The following STAG1 variants were observed in gnomAD, a reference collection of about 807,000 sequenced individuals.
STAG1 encodes STAG1 cohesin complex component.
In STAG1, 26 loss-of-function variants were observed where a neutral mutation model predicts 170.9. That is an observed-to-expected ratio of 0.15 (90% CI 0.11 to 0.21). STAG1 has a LOEUF of 0.21. Among genes scored for constraint, STAG1 ranks in the 10% least tolerant of loss-of-function variants. STAG1 has a pLI of 1.00. For missense variants in STAG1, 964 were observed against 1,509.5 expected (o/e 0.64, Z 5.99); for synonymous variants, 514 against 497.7 (o/e 1.03, Z -0.44).
At chr3:136,559,968 G>A (rs1310363688) in intron 5 of STAG1, among the ~76,000 whole-genome samples, 1 of 152,110 alleles carries the variant, frequency 6.6e-6, no homozygotes, top group Non-Finnish European at 1.5e-5. Context: ...AAGTTGTGAG[G>A]ACCTAAATAA....
intron 16 of STAG1, among the ~76,000 whole-genome samples, chr3:136,432,410 G>A (rs908931590): frequency 2.0e-5 from 3 of 151,446 alleles, no homozygotes; most frequent in African/African-American, 7.3e-5. Flanking sequence ...TCCTGAGTAT[G>A]GTCACATTTT....
rs376961388 is a variant in STAG1, at chr3:136,443,125, C to T, written c.1546+162G>A. ...TGTTTATATGGAAACATGTTAGAAA[C>T]GATTGACACATCCTTACTTGTTACA... On this transcript the variant is annotated intron_variant, in intron 15 of 33. Transcript: ENST00000383202. Among the ~76,000 whole-genome samples the T allele has an allele frequency of 1.6e-4, 25 of 152,250 alleles. No individual in the cohort carries two copies. The East Asian group carries it at 2.1e-3, about 13-fold the overall frequency.
At chr3:136,351,609 C>T (rs944234836) in intron 28 of STAG1, among the ~76,000 whole-genome samples, 48 of 152,210 alleles carry the variant, frequency 3.2e-4, no homozygotes, top group African/African-American at 1.0e-3. Context: ...TACAACCTCT[C>T]ACCAAACACT....
At chr3:136,340,414 GC>G (rs1183435011) in intron 32 of STAG1, 76 bp downstream of exon 32, 2 of 942,214 alleles carry the variant, frequency 2.1e-6, no homozygotes, top group Non-Finnish European at 3.4e-6. Context: ...GAGCCACCAT[GC>G]CCGGCCTAAG....
At chr3:136,712,480 AATAG>A (rs1184576902) in intron 1 of STAG1, among the ~76,000 whole-genome samples, 1 of 152,220 alleles carries the variant, frequency 6.6e-6, no homozygotes, top group Non-Finnish European at 1.5e-5. Context: ...TAAAAATAAA[AATAG>A]ATAAGTGATG....
At chr3:136,691,212 G>T (rs988144661) in intron 1 of STAG1, among the ~76,000 whole-genome samples, 2 of 151,950 alleles carry the variant, frequency 1.3e-5, no homozygotes, top group East Asian at 1.9e-4. Flanking sequence ...AAGGCGGGCA[G>T]ATCATGAGGT....
intron 6 of STAG1, among the ~76,000 whole-genome samples, chr3:136,528,288 G>A (rs537246436): frequency 1.4e-3 from 208 of 152,160 alleles, no homozygotes; most frequent in African/African-American, 4.7e-3. Context: ...AATGGCAGGC[G>A]ACCCTCCCCC....
chr3:136,498,233 T>TATATATATACACACACACAC lies in STAG1; in HGVS notation c.902+1989_902+1990insGTGTGTGTGTGTATATATAT. 5.4e-4 allele frequency among the ~76,000 whole-genome samples: 31 copies of TATATATATACACACACACAC among 57,492 alleles called. 1 individual carries two copies. Among genetic ancestry groups the TATATATATACACACACACAC allele is most frequent in the African/African-American group, 3.1e-3 (30 of 9,674 alleles). 37.7% of individuals were successfully genotyped at this position (57,492 alleles called of 152,430 possible). A position where few individuals can be genotyped will look rare whatever the true frequency, so the allele number is the denominator to read the frequency against. ...AATTATATATATATATATATATATATACACATACATATACATACACACACA... is the reference window on the plus strand; with the variant it reads ...AATTATATATATATATATATATATATATATATATACACACACACACACACATACATATACATACACACACA... On this transcript the variant is annotated intron_variant, in intron 9 of 33. Coordinates refer to ENST00000383202, the MANE Select transcript of STAG1 (RefSeq NM_005862.3).
intron 1 of STAG1, among the ~76,000 whole-genome samples, chr3:136,718,715 C>T (rs1000169884): frequency 6.6e-6 from 1 of 151,828 alleles, no homozygotes; most frequent in African/African-American, 2.4e-5. Flanking sequence ...ACATGAGGTC[C>T]GGAGTTTGAG....
intron 7 of STAG1, among the ~76,000 whole-genome samples, chr3:136,510,782 A>AT (rs2107884293): frequency 6.7e-6 from 1 of 149,184 alleles, no homozygotes; most frequent in East Asian, 2.0e-4. Context: ...CAGCTAGGTT[A>AT]TTTTTTTCTT....
At chr3:136,551,164 C>G (rs1219212089) in intron 5 of STAG1, among the ~76,000 whole-genome samples, 1 of 131,246 alleles carries the variant, frequency 7.6e-6, no homozygotes, top group Admixed American at 7.9e-5. Flanking sequence ...TTTTTTAACT[C>G]CTTTTTTTTT....
At position 136,574,697 on chromosome 3, in the gene STAG1, A is replaced by T. The variant is rs185316817; in HGVS notation, c.298-5836T>A. 5.6e-3 allele frequency among the ~76,000 whole-genome samples: 853 copies of T among 152,358 alleles called. 7 individuals are homozygous for T. The highest frequency in any genetic ancestry group is 7.8e-3 in the Non-Finnish European group (534 of 68,032). On this transcript the variant is annotated intron_variant, in intron 4 of 33. Coordinates refer to ENST00000383202, the MANE Select transcript of STAG1 (RefSeq NM_005862.3). ...CTCAAAATACATAAAGCAAAGATTG[A>T]ACTAAAAGAGGCAAATTCATAGCCA...
rs1340723509 is a variant in STAG1, at chr3:136,551,254, AGAGAGAGG to A, written c.395-9067_395-9060del. Reference sequence around the variant, plus strand: ...GAGAGAGAGAGAGAGAGAGAGAGAGAGAGAGAGGGAGAGCGAGAGAGCGTGCTCTGTTG... The same window carrying A: ...GAGAGAGAGAGAGAGAGAGAGAGAGAGAGAGCGAGAGAGCGTGCTCTGTTG... On this transcript the variant is annotated intron_variant, in intron 5 of 33. Coordinates refer to ENST00000383202, the MANE Select transcript of STAG1 (RefSeq NM_005862.3). Among the ~76,000 whole-genome samples, 85 of 137,710 alleles carry A rather than the reference AGAGAGAGG, an allele frequency of 6.2e-4. 1 individual carries two copies. The highest frequency in any genetic ancestry group is 1.2e-3 in the African/African-American group (43 of 35,558). The allele number at this position is 137,710 out of a possible 152,430, so 90.3% of individuals were successfully genotyped here.
intron 4 of STAG1, among the ~76,000 whole-genome samples, chr3:136,574,166 G>A (rs185097876): frequency 7.2e-5 from 11 of 152,106 alleles, no homozygotes; most frequent in East Asian, 1.9e-4. Flanking sequence ...GGTTGAACCC[G>A]GGAGGTGGAG....
At chr3:136,724,205 A>G (rs1440192704) in intron 1 of STAG1, among the ~76,000 whole-genome samples, 1 of 152,112 alleles carries the variant, frequency 6.6e-6, no homozygotes, top group Non-Finnish European at 1.5e-5. Context: ...GATGGTTGCC[A>G]TGTCTGTGTA....
rs184818833 is a variant in STAG1 at position 136,458,968 on chromosome 3, G to A, written c.1313+5913C>T. ...GGCACGGTGGTGCAAGCCTGTAATCGCAGCACTTTGGGAGGCTGAGGTGGG... is the reference window on the plus strand; with the variant it reads ...GGCACGGTGGTGCAAGCCTGTAATCACAGCACTTTGGGAGGCTGAGGTGGG... On this transcript the variant is annotated intron_variant, in intron 13 of 33. Coordinates refer to ENST00000383202, the MANE Select transcript of STAG1 (RefSeq NM_005862.3). Among the ~76,000 whole-genome samples the A allele has an allele frequency of 1.1e-4, 17 of 152,030 alleles. No individual in the cohort carries two copies. In the Middle Eastern group the frequency reaches 0.01, roughly 91 times the overall value.
At chr3:136,672,664 A>G (rs1216921867) in intron 1 of STAG1, among the ~76,000 whole-genome samples, 1 of 152,206 alleles carries the variant, frequency 6.6e-6, no homozygotes, top group East Asian at 1.9e-4. Flanking sequence ...GAACATGATA[A>G]GCATTTAGCC....
chr3:136,397,789 T>G (rs1213432533), intron 22 of STAG1, among the ~76,000 whole-genome samples: 2 of 152,102 alleles, frequency 1.3e-5, no homozygotes, highest in East Asian at 3.9e-4. Context: ...CTTACTTTTT[T>G]TCATTTAATC....
chr3:136,606,848 G>A (rs1273715369), intron 3 of STAG1, among the ~76,000 whole-genome samples: 3 of 149,726 alleles, frequency 2.0e-5, no homozygotes, highest in Non-Finnish European at 4.4e-5. Context: ...TGCTGGGTTC[G>A]AGCAATTCTC....
Sources: allele counts gnomAD v4.1 joint callset (sites outside exome capture counted in the v4.1 genomes callset), GRCh38; gene constraint gnomAD v4.1.1; transcripts MANE v1.5; gene names NCBI Gene and HGNC (gene_info 2026-07-23, HGNC 2026-07-21).